SORCS3: variants seen among roughly 807,000 people sequenced by gnomAD.
SORCS3 encodes the protein VPS10 domain-containing receptor SorCS3.
Under a neutral mutation model 146.3 loss-of-function variants are expected in SORCS3, and 57 were observed. That is an observed-to-expected ratio of 0.39 (90% CI 0.31 to 0.49). SORCS3 has a LOEUF of 0.49. Ranked by LOEUF, SORCS3 falls within the 20% of genes least tolerant of loss-of-function variation. SORCS3 has a pLI of 0.92. For missense variants in SORCS3, 1,341 were observed against 1,575.5 expected, an observed-to-expected ratio of 0.85 and a Z score of 2.52; for synonymous variants, 653 against 618.5, an observed-to-expected ratio of 1.06 and a Z score of -0.83.
rs1451164544 is a variant in SORCS3, at chr10:104,641,435, T to C, written c.108T>C (p.Thr36=). 4.8e-6 allele frequency: 7 copies of C among 1,471,342 alleles called. No homozygotes were observed. The highest frequency in any genetic ancestry group is 2.2e-4 in the Middle Eastern group (1 of 4,458). The allele number at this position is 1,471,342 out of a possible 1,614,324, so 91.1% of individuals were successfully genotyped here. A position where few individuals can be genotyped will look rare whatever the true frequency, so the allele number is the denominator to read the frequency against. Residue 36 remains threonine (T), a synonymous_variant, in exon 1 of 27, where the codon ACT becomes ACC. Coordinates refer to ENST00000369701, the MANE Select transcript of SORCS3 (RefSeq NM_014978.3). The surrounding 1 kb of genome is among the most constrained non-coding windows in gnomAD (Gnocchi z 6.4). The part of the protein sequence containing the change: ...STWVLAGAEI[T]WDATGGPGRP... Reference sequence around the variant, plus strand: ...GGGTCCTGGCCGGCGCCGAGATCACTTGGGACGCGACAGGCGGTCCCGGAC... The same window carrying C: ...GGGTCCTGGCCGGCGCCGAGATCACCTGGGACGCGACAGGCGGTCCCGGAC...
intron 2 of SORCS3, among the ~76,000 whole-genome samples, chr10:104,906,529 T>G (rs2018906649): frequency 6.6e-6 from 1 of 152,214 alleles, no homozygotes; most frequent in African/African-American, 2.4e-5. Flanking sequence ...GTGAACCCTC[T>G]GATAGTAGGG....
chr10:105,213,691 C>T (rs1158214033), intron 17 of SORCS3, among the ~76,000 whole-genome samples: 1 of 152,126 alleles, frequency 6.6e-6, no homozygotes, highest in Non-Finnish European at 1.5e-5. Context: ...TGTCATTGTA[C>T]ATAATGATGT....
At chr10:104,783,722 G>A (rs542983444) in intron 1 of SORCS3, among the ~76,000 whole-genome samples, 2 of 152,082 alleles carry the variant, frequency 1.3e-5, no homozygotes, top group Admixed American at 6.5e-5. Context: ...GCGAGACTCC[G>A]TCTCAAAAAA....
intron 3 of SORCS3, among the ~76,000 whole-genome samples, chr10:104,971,677 G>T (rs1264196444): frequency 6.6e-6 from 1 of 152,066 alleles, no homozygotes; most frequent in East Asian, 1.9e-4. Context: ...ATTTTCAAAA[G>T]GAAAAGGAAA....
intron 5 of SORCS3, among the ~76,000 whole-genome samples, chr10:105,045,859 A>T (rs531664918): frequency 6.6e-6 from 1 of 152,264 alleles, no homozygotes; most frequent in East Asian, 1.9e-4. Flanking sequence ...ACTCAAGAAC[A>T]TGTCACATAA....
At chr10:104,897,402 C>T (rs1050401621) in intron 2 of SORCS3, among the ~76,000 whole-genome samples, 9 of 152,132 alleles carry the variant, frequency 5.9e-5, no homozygotes, top group African/African-American at 1.9e-4. Flanking sequence ...CAGATTGTTG[C>T]GGAACATTTA....
chr10:105,213,143 C>A (rs952075520), intron 17 of SORCS3, among the ~76,000 whole-genome samples: 1 of 152,068 alleles, frequency 6.6e-6, no homozygotes, highest in Non-Finnish European at 1.5e-5. Flanking sequence ...TAACTTTAGA[C>A]CCATTATAAG....
chr10:105,169,391 G>C (rs1286362530), intron 13 of SORCS3, among the ~76,000 whole-genome samples: 4 of 152,094 alleles, frequency 2.6e-5, no homozygotes, highest in Non-Finnish European at 4.4e-5. Context: ...TGTATTGCTG[G>C]AATACTGAAG....
chr10:104,694,481 A>G (rs2016150531), intron 1 of SORCS3, among the ~76,000 whole-genome samples: 1 of 152,082 alleles, frequency 6.6e-6, no homozygotes, highest in Non-Finnish European at 1.5e-5. Context: ...CCTCAGGACA[A>G]GCCTTCATTC....
chr10:105,040,483 AT>A (rs922404042), intron 4 of SORCS3, among the ~76,000 whole-genome samples: 3 of 152,102 alleles, frequency 2.0e-5, no homozygotes, highest in African/African-American at 7.2e-5. Flanking sequence ...CTCAAAACAT[AT>A]TTTTCCAGGA....
chr10:104,778,662 G>A (rs185321439), intron 1 of SORCS3, among the ~76,000 whole-genome samples: 6 of 152,280 alleles, frequency 3.9e-5, no homozygotes, highest in Non-Finnish European at 7.4e-5. Context: ...GAGACCCAAC[G>A]GTCGTCAACC....
rs539072186 is a variant in SORCS3, at chr10:104,887,894, G to T, written c.696-27939G>T. Among the ~76,000 whole-genome samples the T allele has an allele frequency of 3.0e-5, 4 of 132,450 alleles. No homozygotes were observed. The South Asian group carries it at 9.6e-4, about 32-fold the overall frequency. The allele number at this position is 132,450 out of a possible 152,430, so 86.9% of individuals were successfully genotyped here. ...ATGAGGTGTCTAAGTACAGATGCTT[G>T]CACATTTAGTATAAGACCAGTTATC... On this transcript the variant is annotated intron_variant, in intron 2 of 26. Coordinates refer to ENST00000369701, the MANE Select transcript of SORCS3 (RefSeq NM_014978.3).
At chr10:105,187,563 T>C (rs1403957473) in intron 14 of SORCS3, among the ~76,000 whole-genome samples, 1 of 152,188 alleles carries the variant, frequency 6.6e-6, no homozygotes, top group Non-Finnish European at 1.5e-5. Flanking sequence ...CTACTTTGAT[T>C]TGAAATCTGT....
At chr10:104,706,310 C>T (rs891124417) in intron 1 of SORCS3, among the ~76,000 whole-genome samples, 5 of 146,702 alleles carry the variant, frequency 3.4e-5, no homozygotes, top group African/African-American at 5.1e-5. Flanking sequence ...CGGGTTCAAG[C>T]GATTCTCCTG....
intron 1 of SORCS3, among the ~76,000 whole-genome samples, chr10:104,755,815 A>T (rs1008784146): frequency 3.3e-5 from 5 of 152,234 alleles, no homozygotes; most frequent in Non-Finnish European, 7.3e-5. Flanking sequence ...TCCTCATCAC[A>T]GTTATCACAC....
intron 2 of SORCS3, among the ~76,000 whole-genome samples, chr10:104,907,804 G>A (rs2018924135): frequency 6.6e-6 from 1 of 152,218 alleles, no homozygotes; most frequent in East Asian, 1.9e-4. Context: ...AGTTTCTGAA[G>A]CAGAGGGTGG....
chr10:104,940,238 ATTT>A (rs1186082602), intron 3 of SORCS3, among the ~76,000 whole-genome samples: 78 of 31,478 alleles, frequency 2.5e-3, no homozygotes, highest in East Asian at 0.013. Flanking sequence ...ATATATATAT[ATTT>A]TTTTTTTTTT....
chr10:104,819,738 G>A (rs1018884199), intron 1 of SORCS3, among the ~76,000 whole-genome samples: 1 of 152,114 alleles, frequency 6.6e-6, no homozygotes, highest in African/African-American at 2.4e-5. Context: ...AGAAAACTAG[G>A]GCCTGACATC....
At position 105,214,565 on chromosome 10, in the gene SORCS3, G is replaced by T. The variant is rs765110308; in HGVS notation, c.2499G>T (p.Leu833=). 22 of 1,609,842 alleles carry T rather than the reference G, an allele frequency of 1.4e-5. No homozygotes were observed. Among genetic ancestry groups the T allele is most frequent in the Non-Finnish European group, 1.8e-5 (21 of 1,178,238 alleles). The change falls in exon 18 of 27, where the codon CTG becomes CTT. Residue 833 remains leucine (L), a synonymous_variant. Transcript: ENST00000369701. The stretch of plus-strand genomic sequence containing the variant: ...ATGTGGTGACGACCGATGGGCGGCT[G>T]GTGGCAGAGCAGGGGCACAATGCAA... ...GLHVVTTDGR[L]VAEQGHNATF...
Sources: gnomAD v4.1 joint callset for allele counts (sites outside exome capture counted in the v4.1 genomes callset) on GRCh38, gnomAD v4.1.1 for gene constraint, Gnocchi (gnomAD v3.1) non-coding constraint, MANE v1.5 for transcripts, NCBI Gene and HGNC (gene_info 2026-07-23, HGNC 2026-07-21) for gene names.